Variants in PTGER3 observed in about 807,000 individuals in gnomAD.
PTGER3 encodes prostaglandin E receptor 3.
In PTGER3, 22 loss-of-function variants were observed where a neutral mutation model predicts 34.7. The ratio of observed to expected loss-of-function variants is 0.63; its 90% CI spans 0.45 to 0.91. The LOEUF is 0.91. PTGER3 is among the 40% of genes least tolerant of loss of function. The pLI is 0.00. For missense variants in PTGER3, 468 were observed against 519.4 expected, an observed-to-expected ratio of 0.90 and a Z score of 0.96; for synonymous variants, 241 against 230.1, an observed-to-expected ratio of 1.05 and a Z score of -0.43.
intron 4 of PTGER3, among the ~76,000 whole-genome samples, chr1:70,859,617 G>A (rs950039985): frequency 4.6e-5 from 7 of 152,174 alleles, no homozygotes; most frequent in African/African-American, 9.7e-5. Context: ...CATAACGGGC[G>A]AAAACACAGG....
intron 1 of PTGER3, among the ~76,000 whole-genome samples, chr1:71,029,961 A>ATAG (rs61258798): frequency 7.0e-6 from 1 of 143,132 alleles, no homozygotes; most frequent in East Asian, 2.1e-4. Context: ...AATAATAATA[A>ATAG]CAAAATAAGT....
intron 4 of PTGER3, among the ~76,000 whole-genome samples, chr1:70,858,186 T>C (rs528873786): frequency 1.9e-4 from 27 of 143,398 alleles, no homozygotes; most frequent in African/African-American, 7.0e-4. Context: ...CAGGGATTAA[T>C]ACAAAACACA....
rs573806056 is a variant in PTGER3, at chr1:70,942,593, G to A, written c.*23+11170C>T. 1.2e-4 allele frequency among the ~76,000 whole-genome samples: 18 copies of A among 152,180 alleles called. No homozygotes were observed. The South Asian group carries it at 3.5e-3, about 30-fold the overall frequency. On this transcript the variant is annotated intron_variant, in intron 4 of 4. Transcript: ENST00000370931. ...ACCCTCTTCTTTAAGACTGGGTCAA[G>A]CAACACTACTCTCGAAAATTTCTCT... is the stretch of plus-strand genomic sequence containing the variant.
intron 4 of PTGER3, among the ~76,000 whole-genome samples, chr1:70,925,628 A>G (rs1362075856): frequency 2.6e-5 from 4 of 152,226 alleles, no homozygotes; most frequent in Non-Finnish European, 4.4e-5. Flanking sequence ...CAAAAATAAG[A>G]GTAAATCTTC....
chr1:70,953,168 C>A (rs1165310050), intron 3 of PTGER3: 4 of 954,060 alleles, frequency 4.2e-6, no homozygotes, highest in Non-Finnish European at 5.8e-6. Context: ...ATTTATACAA[C>A]ATTTACATTG....
At chr1:70,954,768 G>A (rs1651141621) in intron 2 of PTGER3, among the ~76,000 whole-genome samples, 1 of 151,216 alleles carries the variant, frequency 6.6e-6, no homozygotes, top group Non-Finnish European at 1.5e-5. Context: ...TTTCTTTTTT[G>A]TTGTTACATA....
At chr1:70,918,730 C>A (rs1357520714) in intron 4 of PTGER3, among the ~76,000 whole-genome samples, 1 of 151,990 alleles carries the variant, frequency 6.6e-6, no homozygotes, top group Non-Finnish European at 1.5e-5. Context: ...CTGACAGCAC[C>A]AATGTGTTGA....
chr1:70,929,310 G>T (rs910380811), intron 4 of PTGER3, among the ~76,000 whole-genome samples: 19 of 152,210 alleles, frequency 1.2e-4, no homozygotes, highest in Middle Eastern at 6.8e-3. Context: ...GTAACATCTT[G>T]GTTACTGGGC....
intron 1 of PTGER3, among the ~76,000 whole-genome samples, chr1:71,030,896 G>C (rs1475497189): frequency 6.6e-6 from 1 of 151,818 alleles, no homozygotes; most frequent in Non-Finnish European, 1.5e-5. Context: ...TCAACGAAGT[G>C]ATTTGAAAAT....
chr1:70,990,486 ATT>A (rs1487349185), intron 2 of PTGER3, among the ~76,000 whole-genome samples: 4 of 150,154 alleles, frequency 2.7e-5, no homozygotes, highest in African/African-American at 9.8e-5. Flanking sequence ...ACATATATGC[ATT>A]TTATATACAT....
At chr1:70,935,691 A>ATATG in intron 4 of PTGER3, among the ~76,000 whole-genome samples, 1 of 149,116 alleles carries the variant, frequency 6.7e-6, no homozygotes, top group South Asian at 2.1e-4. Flanking sequence ...ATATATATAT[A>ATATG]TATGTTCTGC....
chr1:70,995,881 T>C (rs559082725), intron 2 of PTGER3, among the ~76,000 whole-genome samples: 8 of 152,216 alleles, frequency 5.3e-5, no homozygotes, highest in Non-Finnish European at 1.2e-4. Flanking sequence ...CTATAAATGA[T>C]TGCATTCCTA....
chr1:71,041,106 G>A (rs1660276503), intron 1 of PTGER3, among the ~76,000 whole-genome samples: 1 of 152,146 alleles, frequency 6.6e-6, no homozygotes, highest in African/African-American at 2.4e-5. Flanking sequence ...TTAAAACAGG[G>A]TTACGTCTGG....
chr1:70,991,095 C>T (rs1655437505), intron 2 of PTGER3, among the ~76,000 whole-genome samples: 1 of 152,136 alleles, frequency 6.6e-6, no homozygotes, highest in Non-Finnish European at 1.5e-5. Context: ...AAACTTCACT[C>T]AATTCTTCTC....
intron 4 of PTGER3, among the ~76,000 whole-genome samples, chr1:70,925,310 C>G (rs1312643396): frequency 6.6e-6 from 1 of 152,148 alleles, no homozygotes; most frequent in African/African-American, 2.4e-5. Context: ...CAGCTACGCA[C>G]TCACTCTTAA....
intron 1 of PTGER3, among the ~76,000 whole-genome samples, chr1:71,016,943 T>C (rs1344270902): frequency 1.3e-5 from 2 of 152,186 alleles, no homozygotes. Flanking sequence ...AAAATAAATA[T>C]ATTTACATCA....
chr1:70,891,176 C>A (rs749487364), intron 4 of PTGER3, among the ~76,000 whole-genome samples: 1 of 152,206 alleles, frequency 6.6e-6, no homozygotes, highest in Non-Finnish European at 1.5e-5. Flanking sequence ...ACCAGCAGTG[C>A]CTTTGTTGTC....
intron 4 of PTGER3, chr1:70,947,277 C>G (rs1193340432): frequency 6.6e-6 from 1 of 152,076 alleles, no homozygotes; most frequent in East Asian, 1.9e-4. Context: ...GTGGGAGGGA[C>G]CCAGTGGGAG....
chr1:70,890,304 T>C (rs1034069488), intron 4 of PTGER3, among the ~76,000 whole-genome samples: 2 of 152,228 alleles, frequency 1.3e-5, no homozygotes, highest in African/African-American at 4.8e-5. Context: ...AGTATTCTTA[T>C]CATTTTACCA....
Sources: allele counts gnomAD v4.1 joint callset (sites outside exome capture counted in the v4.1 genomes callset), GRCh38; gene constraint gnomAD v4.1.1; transcripts MANE v1.5; gene names NCBI Gene and HGNC (gene_info 2026-07-23, HGNC 2026-07-21).